Variants in CALN1 observed in about 807,000 individuals in gnomAD.
CALN1 encodes calcium-binding protein 8.
Under a neutral mutation model 30.6 loss-of-function variants are expected in CALN1, and 17 were observed. That is an observed-to-expected ratio of 0.56 (90% confidence interval 0.38 to 0.83). The LOEUF (loss-of-function observed/expected upper bound fraction) is 0.83. Among genes scored for constraint, CALN1 ranks in the 40% least tolerant of loss-of-function variants. The pLI, the probability that CALN1 is intolerant of heterozygous loss-of-function variation, is 0.00. For missense variants in CALN1, 291 were observed against 354.9 expected (o/e 0.82, Z 1.45); for synonymous variants, 156 against 131.4 (o/e 1.19, Z -1.28).
chr7:72,116,772 C>A (rs1237610698), intron 3 of CALN1, among the ~76,000 whole-genome samples: 1 of 152,100 alleles, frequency 6.6e-6, no homozygotes, highest in East Asian at 1.9e-4. Flanking sequence ...CAGCTATTGA[C>A]CAAAGGAGCC....
At chr7:72,119,723 T>C (rs375452983) in intron 3 of CALN1, among the ~76,000 whole-genome samples, 4 of 152,010 alleles carry the variant, frequency 2.6e-5, no homozygotes, top group African/African-American at 9.7e-5. Context: ...AGAGAGAACT[T>C]GTGTAGGGAA....
chr7:72,062,688 T>G (rs1803748936), intron 4 of CALN1, among the ~76,000 whole-genome samples: 1 of 152,142 alleles, frequency 6.6e-6, no homozygotes, highest in South Asian at 2.1e-4. Flanking sequence ...CATGTGGTTT[T>G]CAATGTAGGT....
intron 5 of CALN1, among the ~76,000 whole-genome samples, chr7:71,957,955 C>T (rs374964104): frequency 9.3e-5 from 14 of 150,692 alleles, no homozygotes; most frequent in African/African-American, 3.2e-4. Flanking sequence ...ATCCCAGCTA[C>T]TTGGGAGGCT....
intron 3 of CALN1, among the ~76,000 whole-genome samples, chr7:72,242,090 A>G (rs963262424): frequency 3.9e-5 from 6 of 152,140 alleles, no homozygotes; most frequent in African/African-American, 1.2e-4. Flanking sequence ...CTATGAATTT[A>G]GCTATTCTAG....
chr7:71,987,790 C>T (rs766810190), intron 5 of CALN1, among the ~76,000 whole-genome samples: 3 of 152,180 alleles, frequency 2.0e-5, no homozygotes, highest in Non-Finnish European at 2.9e-5. Context: ...ATAGCAGGCT[C>T]GTCTCTTTTT....
At chr7:71,834,665 T>C (rs1339176160) in intron 5 of CALN1, among the ~76,000 whole-genome samples, 2 of 152,212 alleles carry the variant, frequency 1.3e-5, no homozygotes, top group Non-Finnish European at 2.9e-5. Flanking sequence ...GGAAGCCCTA[T>C]GCAATTTGGA....
At chr7:72,117,379 C>G (rs1420677861) in intron 3 of CALN1, among the ~76,000 whole-genome samples, 2 of 152,120 alleles carry the variant, frequency 1.3e-5, no homozygotes, top group Non-Finnish European at 2.9e-5. Flanking sequence ...TGGCAGCCCT[C>G]AGAGAGCATG....
Position 71,948,814 on chromosome 7 carries a change from G to C in CALN1, c.501+74843C>G, listed in dbSNP as rs183898972. Among the ~76,000 whole-genome samples the C allele has an allele frequency of 7.9e-5, 12 of 151,706 alleles. No individual in the cohort carries two copies. In the East Asian group the frequency reaches 2.1e-3, roughly 27 times the overall value. On this transcript the variant is annotated intron_variant, in intron 5 of 6. Transcript: ENST00000395275. ...CCCAATGTTTTTGGAGGCCAAGATG[G>C]GATGACTGCTTGAACCCAGGAGTTC...
chr7:71,819,354 ATC>A (rs1788461736), intron 5 of CALN1, among the ~76,000 whole-genome samples: 1 of 151,850 alleles, frequency 6.6e-6, no homozygotes, highest in South Asian at 2.1e-4. Context: ...GATTACAGGC[ATC>A]TGCCACCACA....
At chr7:72,167,353 T>C (rs190458790) in intron 3 of CALN1, among the ~76,000 whole-genome samples, 1 of 149,618 alleles carries the variant, frequency 6.7e-6, no homozygotes, top group African/African-American at 2.5e-5. Flanking sequence ...GGTTTTGTTT[T>C]TGTTTTTTTG....
At chr7:72,072,785 A>G (rs553174224) in intron 4 of CALN1, among the ~76,000 whole-genome samples, 69 of 152,346 alleles carry the variant, frequency 4.5e-4, no homozygotes, top group African/African-American at 1.6e-3. Flanking sequence ...GAAGTTATAA[A>G]GCAGCATTTT....
At chr7:72,025,052 T>C (rs1800966570) in intron 4 of CALN1, among the ~76,000 whole-genome samples, 1 of 152,150 alleles carries the variant, frequency 6.6e-6, no homozygotes, top group Admixed American at 6.5e-5. Flanking sequence ...GGCTCATGCC[T>C]GTAATCCCAG....
chr7:72,351,358 C>A (rs946622664), intron 2 of CALN1, among the ~76,000 whole-genome samples: 1 of 152,024 alleles, frequency 6.6e-6, no homozygotes, highest in African/African-American at 2.4e-5. Flanking sequence ...TTATAGCCAT[C>A]AGGCTGAAGT....
intron 3 of CALN1, among the ~76,000 whole-genome samples, chr7:72,267,086 G>C (rs1796647226): frequency 6.6e-6 from 1 of 152,190 alleles, no homozygotes; most frequent in South Asian, 2.1e-4. Flanking sequence ...CATCAGATAA[G>C]AGTTGTGAGC....
intron 3 of CALN1, among the ~76,000 whole-genome samples, chr7:72,178,015 A>G (rs574038600): frequency 1.3e-5 from 2 of 152,306 alleles, no homozygotes; most frequent in African/African-American, 4.8e-5. Context: ...TAGAAGTTGA[A>G]TCTGAGGCCT....
intron 3 of CALN1, among the ~76,000 whole-genome samples, chr7:72,224,887 G>A (rs1244260269): frequency 2.0e-5 from 3 of 151,834 alleles, no homozygotes; most frequent in African/African-American, 4.8e-5. Context: ...AGGAGATTGA[G>A]GCCATCCTGG....
At chr7:71,969,800 C>A (rs1483903202) in intron 5 of CALN1, among the ~76,000 whole-genome samples, 1 of 151,320 alleles carries the variant, frequency 6.6e-6, no homozygotes, top group African/African-American at 2.4e-5. Flanking sequence ...AGGTGTGGGG[C>A]CAATGGGTAC....
intron 4 of CALN1, among the ~76,000 whole-genome samples, chr7:72,054,400 T>A (rs1803044282): frequency 1.8e-5 from 1 of 55,876 alleles, no homozygotes; most frequent in Non-Finnish European, 2.8e-5. Flanking sequence ...TGCATATATG[T>A]ACATATATAT....
chr7:72,289,489 T>TG (rs780094438), intron 2 of CALN1, among the ~76,000 whole-genome samples: 7 of 152,206 alleles, frequency 4.6e-5, no homozygotes, highest in Non-Finnish European at 1.0e-4. Context: ...GTTTAGCACT[T>TG]GGTCTCAAAA....
Sources: allele counts gnomAD v4.1 joint callset (sites outside exome capture counted in the v4.1 genomes callset), GRCh38; gene constraint gnomAD v4.1.1; transcripts MANE v1.5; gene names NCBI Gene and HGNC (gene_info 2026-07-23, HGNC 2026-07-21).